LAMA3: variants seen among roughly 807,000 people sequenced by gnomAD.
LAMA3 encodes laminin subunit alpha 3.
LAMA3 carries 281 observed loss-of-function variants against 402.0 expected under a neutral mutation model. The observed-to-expected ratio is 0.70, with a 90% CI of 0.63 to 0.77. The LOEUF is 0.77. Ranked by LOEUF, LAMA3 falls within the 30% of genes least tolerant of loss-of-function variation. LAMA3 has a pLI of 0.00. For synonymous variants in LAMA3, 1,431 were observed against 1,558.4 expected (o/e 0.92, Z 1.93); for missense variants, 3,840 against 4,215.5 (o/e 0.91, Z 2.47).
intron 39 of LAMA3, 31 bp from the exon 40 acceptor site, chr18:23,881,905 G>T (rs771722123): frequency 2.2e-6 from 3 of 1,377,040 alleles, no homozygotes; most frequent in East Asian, 4.6e-5. Flanking sequence ...TGTACTGGCT[G>T]CTGTGAATTG....
In LAMA3 at chr18:23,881,962, G is replaced by A. The variant is rs915605438; in HGVS notation, c.5139G>A (p.Glu1713=). The change falls in exon 40 of 75, where the codon GAG becomes GAA. Residue 1713 remains glutamate (E), a synonymous_variant. Transcript: ENST00000313654. Reference sequence around the variant, plus strand: ...ACTGTCAGCACAACACCGCGGGAGAGCACTGTGAACGCTGCCAGGAGGGCT... The same window carrying A: ...ACTGTCAGCACAACACCGCGGGAGAACACTGTGAACGCTGCCAGGAGGGCT... ...CVNCQHNTAG[E]HCERCQEGYY... 4 of 1,613,978 alleles carry A rather than the reference G, an allele frequency of 2.5e-6. No homozygotes were observed. Among genetic ancestry groups the A allele is most frequent in the Non-Finnish European group, 2.5e-6 (3 of 1,179,882 alleles).
chr18:23,906,001 G>A lies in LAMA3; in HGVS notation c.6718+377G>A, dbSNP rs565869293. Among the ~76,000 whole-genome samples, 6 of 152,134 alleles carry A rather than the reference G, an allele frequency of 3.9e-5. No individual in the cohort carries two copies. The South Asian group carries it at 6.2e-4, about 16-fold the overall frequency. ...GCTGGGCTCAAATTCCTGTCCTTAC[G>A]GGATCCTCCTGTCTCAGCTTCCCAA... On this transcript the variant is annotated intron_variant, in intron 52 of 74. Transcript: ENST00000313654.
In LAMA3 at chr18:23,743,199, T is replaced by A. The variant is rs566744721; in HGVS notation, c.448-4744T>A. The stretch of plus-strand genomic sequence containing the variant: ...ATTATTCTTCATTTTCTTAAATATC[T>A]TTTTTGATCATTTTATGAGCAAATA... On this transcript the variant is annotated intron_variant, in intron 2 of 74. Coordinates refer to ENST00000313654, the MANE Select transcript of LAMA3 (RefSeq NM_198129.4). Among the ~76,000 whole-genome samples the A allele has an allele frequency of 2.6e-3, 390 of 152,356 alleles. 2 individuals carry two copies. Among genetic ancestry groups the A allele is most frequent in the African/African-American group, 9.1e-3 (379 of 41,566 alleles).
chr18:23,737,403 C>T, intron 2 of LAMA3, among the ~76,000 whole-genome samples: 1 of 152,236 alleles, frequency 6.6e-6, no homozygotes, highest in South Asian at 2.1e-4. Context: ...CCTTCCCTCA[C>T]CCCATTCCGT....
At chr18:23,818,679 A>C (rs2063224183) in intron 18 of LAMA3, among the ~76,000 whole-genome samples, 1 of 152,180 alleles carries the variant, frequency 6.6e-6, no homozygotes, top group Non-Finnish European at 1.5e-5. Flanking sequence ...GGCAAAGAAA[A>C]ATCTTCATTT....
At chr18:23,868,268 A>T (rs1356511638) in intron 37 of LAMA3, among the ~76,000 whole-genome samples, 2 of 152,208 alleles carry the variant, frequency 1.3e-5, no homozygotes, top group Non-Finnish European at 2.9e-5. Flanking sequence ...CATTTCAGAG[A>T]TACCCAACTT....
At chr18:23,815,312 G>A (rs374022750) in intron 16 of LAMA3, 72 bp downstream of exon 16, 86 of 1,453,396 alleles carry the variant, frequency 5.9e-5, no homozygotes, top group Non-Finnish European at 7.4e-5. Context: ...TTCTGGGGGC[G>A]TGTGTTAGTA....
In LAMA3 at chr18:23,931,125, G is replaced by A. The variant is rs1154233; in HGVS notation, c.8500G>A (p.Gly2834Ser). 3.6e-5 allele frequency: 58 copies of A among 1,612,962 alleles called. No homozygotes were observed. Among genetic ancestry groups the A allele is most frequent in the African/African-American group, 3.5e-4 (26 of 74,986 alleles). ...YIELSTSDSG[G>S]PIFKSPQTYM... ...TGAATTGAGCACCAGCGATAGCGGCGGCCCAATTTTTAAATCTCCACAGAC... is the reference window on the plus strand; with the variant it reads ...TGAATTGAGCACCAGCGATAGCGGCAGCCCAATTTTTAAATCTCCACAGAC... The change falls in exon 65 of 75, where the codon GGC becomes AGC. Residue 2834 changes from glycine (G) to serine (S), a missense_variant. Transcript: ENST00000313654.
chr18:23,945,503 T>G (rs1427664700), intron 69 of LAMA3, among the ~76,000 whole-genome samples: 1 of 152,214 alleles, frequency 6.6e-6, no homozygotes, highest in Non-Finnish European at 1.5e-5. Context: ...TGAGGATTTC[T>G]GTCGTGAACA....
At chr18:23,795,429 G>A (rs2062743495) in intron 12 of LAMA3, among the ~76,000 whole-genome samples, 1 of 152,190 alleles carries the variant, frequency 6.6e-6, no homozygotes, top group Non-Finnish European at 1.5e-5. Context: ...ATGAAAAAGA[G>A]TTAAATTATG....
chr18:23,925,441 C>T (rs555820803), intron 62 of LAMA3, among the ~76,000 whole-genome samples: 11 of 152,302 alleles, frequency 7.2e-5, no homozygotes, highest in Non-Finnish European at 1.3e-4. Flanking sequence ...TGAGGACCTA[C>T]ACCATTGTTT....
chr18:23,795,533 G>C (rs968652019), intron 12 of LAMA3, among the ~76,000 whole-genome samples: 2 of 152,144 alleles, frequency 1.3e-5, no homozygotes, highest in Non-Finnish European at 1.5e-5. Context: ...GTTAAAATGA[G>C]TACTAGATGA....
chr18:23,923,225 G>A (rs2081900858), intron 62 of LAMA3, among the ~76,000 whole-genome samples: 2 of 152,198 alleles, frequency 1.3e-5, no homozygotes, highest in Non-Finnish European at 2.9e-5. Flanking sequence ...GCCATTGGAG[G>A]GACTTCAGCA....
At position 23,696,857 on chromosome 18, in the gene LAMA3, A is replaced by C. The variant is rs549785837; in HGVS notation, c.294+6880A>C. Among the ~76,000 whole-genome samples, 4 of 152,254 alleles carry C rather than the reference A, an allele frequency of 2.6e-5. No individual in the cohort carries two copies. The East Asian group carries it at 7.7e-4, about 29-fold the overall frequency. ...GTGCTGGCTTAGAAGAGATTCTTTCAACCTTTCCTATACTTGATGCTACCT... is the reference window on the plus strand; with the variant it reads ...GTGCTGGCTTAGAAGAGATTCTTTCCACCTTTCCTATACTTGATGCTACCT... On this transcript the variant is annotated intron_variant, in intron 1 of 74. Coordinates refer to ENST00000313654, the MANE Select transcript of LAMA3 (RefSeq NM_198129.4).
At chr18:23,860,505 C>T (rs545361796) in intron 34 of LAMA3, among the ~76,000 whole-genome samples, 1 of 152,048 alleles carries the variant, frequency 6.6e-6, no homozygotes, top group African/African-American at 2.4e-5. Context: ...GCAGTCCTCC[C>T]ACCTTGGCCT....
At chr18:23,810,581 A>T (rs1598837830) in intron 13 of LAMA3, 78 bp downstream of exon 13, 1 of 1,532,394 alleles carries the variant, frequency 6.5e-7, no homozygotes, top group East Asian at 2.3e-5. Flanking sequence ...GAAGCCTGCA[A>T]ATCCCCCACA....
intron 32 of LAMA3, among the ~76,000 whole-genome samples, chr18:23,856,681 C>G (rs544893880): frequency 6.6e-6 from 1 of 152,154 alleles, no homozygotes; most frequent in Non-Finnish European, 1.5e-5. Flanking sequence ...CTCCCACCCC[C>G]CACTGTGCTT....
intron 13 of LAMA3, 46 bp downstream of exon 13, chr18:23,810,549 T>C (rs1218944551): frequency 1.1e-5 from 17 of 1,610,802 alleles, no homozygotes; most frequent in Non-Finnish European, 1.3e-5. Context: ...CTCTCTGAAG[T>C]GTGTGCAGCC....
chr18:23,779,385 G>T (rs1415367786), intron 11 of LAMA3, among the ~76,000 whole-genome samples: 1 of 152,158 alleles, frequency 6.6e-6, no homozygotes, highest in East Asian at 1.9e-4. Flanking sequence ...GTCAGCGGAG[G>T]TGACAGCAGT....
Sources: allele counts gnomAD v4.1 joint callset (sites outside exome capture counted in the v4.1 genomes callset), GRCh38; gene constraint gnomAD v4.1.1; transcripts MANE v1.5; gene names NCBI Gene and HGNC (gene_info 2026-07-23, HGNC 2026-07-21).